The following RELN variants were observed in gnomAD, a reference collection of about 807,000 sequenced individuals.
RELN encodes the protein reelin.
In RELN, 108 loss-of-function variants were observed where a neutral mutation model predicts 427.6. The ratio of observed to expected loss-of-function variants is 0.25; its 90% CI spans 0.22 to 0.30. The LOEUF is 0.30. Among genes scored for constraint, RELN ranks in the 10% least tolerant of loss-of-function variants. The probability of loss-of-function intolerance (pLI) is 1.00; values close to 1 mark genes in which losing one functional copy is unlikely to be tolerated. For synonymous variants in RELN, 1,524 were observed against 1,513.4 expected (o/e 1.01, Z -0.16); for missense variants, 3,715 against 4,302.8 (o/e 0.86, Z 3.82).
At chr7:103,668,759 T>G (rs139117463) in intron 11 of RELN, among the ~76,000 whole-genome samples, 4 of 152,190 alleles carry the variant, frequency 2.6e-5, no homozygotes, top group Non-Finnish European at 5.9e-5. Context: ...GACGCATACA[T>G]GAAAATTTCA....
intron 1 of RELN, among the ~76,000 whole-genome samples, chr7:103,951,132 T>C (rs74617664): frequency 0.048 from 7,387 of 152,316 alleles, 249 homozygotes; most frequent in Middle Eastern, 0.11. Context: ...GGTTTCACCA[T>C]GTTTTTTAAA....
chr7:103,779,930 G>A (rs1382532605), intron 3 of RELN, among the ~76,000 whole-genome samples: 1 of 152,218 alleles, frequency 6.6e-6, no homozygotes, highest in Non-Finnish European at 1.5e-5. Context: ...GTTTCACCAT[G>A]TTGGCCAGGA....
At chr7:103,512,852 C>G (rs145217441) in intron 50 of RELN, 2 of 152,248 alleles carry the variant, frequency 1.3e-5, no homozygotes, top group African/African-American at 4.8e-5. Context: ...CTTGGAGCCA[C>G]TATGGAAGCA....
In RELN at chr7:103,682,011, T is replaced by C. The variant is rs78891424; in HGVS notation, c.1289+105A>G. 7.5e-3 allele frequency: 8,163 copies of C among 1,090,854 alleles called. 400 individuals carry two copies. The African/African-American group carries it at 0.11, about 14-fold the overall frequency. The allele number at this position is 1,090,854 out of a possible 1,614,324, so 67.6% of individuals were successfully genotyped here. ...TTGTCTACGATAAGAATCATCAGTA[T>C]TGATCTAAGTATGCTTTCGCCATTT... On this transcript the variant is annotated intron_variant, in intron 11 of 64. Coordinates refer to ENST00000428762, the MANE Select transcript of RELN (RefSeq NM_005045.4).
rs28815035 is a variant in RELN at position 103,900,168 on chromosome 7, C to G, written c.337+16907G>C. On this transcript the variant is annotated intron_variant, in intron 2 of 64. Coordinates refer to ENST00000428762, the MANE Select transcript of RELN (RefSeq NM_005045.4). ...ATAAACCAATAACACAAACAGAAAG[C>G]CAAACCATGAGTGAACTCCCATTCA... 6.0e-3 allele frequency among the ~76,000 whole-genome samples: 910 copies of G among 152,092 alleles called. 9 individuals are homozygous for G. Among genetic ancestry groups the G allele is most frequent in the African/African-American group, 0.021 (877 of 41,516 alleles).
At chr7:103,624,040 A>G (rs1301577917) in intron 20 of RELN, among the ~76,000 whole-genome samples, 1 of 152,182 alleles carries the variant, frequency 6.6e-6, no homozygotes, top group Non-Finnish European at 1.5e-5. Context: ...AATAAGCCAC[A>G]GTACTATTTT....
chr7:103,526,147 G>GT (rs1333406079), intron 46 of RELN, among the ~76,000 whole-genome samples: 1 of 152,212 alleles, frequency 6.6e-6, no homozygotes, highest in African/African-American at 2.4e-5. Flanking sequence ...CTAGCAGGTG[G>GT]TTGCTTTCTG....
At chr7:103,743,036 G>A (rs1790711000) in intron 6 of RELN, among the ~76,000 whole-genome samples, 1 of 150,024 alleles carries the variant, frequency 6.7e-6, no homozygotes, top group Admixed American at 6.6e-5. Flanking sequence ...CCCACAAAGG[G>A]AAGCCCATCA....
chr7:103,966,793 G>A (rs1796669326), intron 1 of RELN, among the ~76,000 whole-genome samples: 1 of 152,174 alleles, frequency 6.6e-6, no homozygotes, highest in Non-Finnish European at 1.5e-5. Flanking sequence ...ATCTTGGAGT[G>A]ACTCACACAT....
intron 64 of RELN, among the ~76,000 whole-genome samples, 182 bp downstream of exon 64, chr7:103,478,207 C>T (rs936454683): frequency 1.1e-4 from 16 of 151,924 alleles, no homozygotes; most frequent in Admixed American, 3.3e-4. Context: ...TGACTGACTC[C>T]GAATTTACAT....
chr7:103,482,404 G>A (rs531555528), intron 63 of RELN: 5 of 197,442 alleles, frequency 2.5e-5, no homozygotes, highest in African/African-American at 1.2e-4. Flanking sequence ...GATTGGTCAG[G>A]AGGAATCTGA....
At chr7:103,566,442 G>T in intron 32 of RELN, 30 bp from the exon 33 acceptor site, 1 of 1,610,272 alleles carries the variant, frequency 6.2e-7, no homozygotes, top group Non-Finnish European at 8.5e-7. Flanking sequence ...GGTGGTTAGA[G>T]AAGTTTTGTT....
intron 2 of RELN, among the ~76,000 whole-genome samples, chr7:103,913,829 A>G (rs1237763627): frequency 6.6e-6 from 1 of 152,218 alleles, no homozygotes; most frequent in Non-Finnish European, 1.5e-5. Flanking sequence ...AAAGTTATTT[A>G]CTACTGTCAC....
intron 9 of RELN, 53 bp downstream of exon 9, chr7:103,700,857 G>A (rs1834074923): frequency 3.6e-6 from 4 of 1,104,460 alleles, no homozygotes; most frequent in Non-Finnish European, 4.2e-6. Context: ...ATATAGGAGA[G>A]TAGAACTCCA....
At chr7:103,926,250 G>A (rs1267404759) in intron 1 of RELN, among the ~76,000 whole-genome samples, 2 of 151,750 alleles carry the variant, frequency 1.3e-5, no homozygotes, top group African/African-American at 4.8e-5. Flanking sequence ...ACGGGTACGT[G>A]CCATCAGGCC....
At position 103,723,228 on chromosome 7, in the gene RELN, A is replaced by G. The variant is rs114681778; in HGVS notation, c.754-37T>C. ...AGAATACATAAAAATAAGACAAGACAGAGAGGAGAAAGAGGAGAAAGATGC... is the reference window on the plus strand; with the variant it reads ...AGAATACATAAAAATAAGACAAGACGGAGAGGAGAAAGAGGAGAAAGATGC... On this transcript the variant is annotated intron_variant, in intron 7 of 64. Transcript: ENST00000428762. 2.0e-3 allele frequency: 2,592 copies of G among 1,307,406 alleles called. 45 individuals carry two copies. In the African/African-American group the frequency reaches 0.033, roughly 17 times the overall value. The allele number at this position is 1,307,406 out of a possible 1,614,324, so 81.0% of individuals were successfully genotyped here.
At chr7:103,564,555 A>G (rs982461216) in intron 34 of RELN, among the ~76,000 whole-genome samples, 3 of 152,196 alleles carry the variant, frequency 2.0e-5, no homozygotes, top group Non-Finnish European at 2.9e-5. Flanking sequence ...TGAGGCAGAA[A>G]GAGGGGGGAG....
At chr7:103,984,206 AC>A (rs1254639706) in intron 1 of RELN, among the ~76,000 whole-genome samples, 1 of 152,094 alleles carries the variant, frequency 6.6e-6, no homozygotes, top group Non-Finnish European at 1.5e-5. Context: ...TTTGAATAAA[AC>A]TAATCCATAA....
At chr7:103,858,944 G>C (rs1250997289) in intron 2 of RELN, among the ~76,000 whole-genome samples, 1 of 152,110 alleles carries the variant, frequency 6.6e-6, no homozygotes, top group African/African-American at 2.4e-5. Context: ...GCAAACACAG[G>C]CTTGCCTAGA....
Sources: gnomAD v4.1 joint callset for allele counts (sites outside exome capture counted in the v4.1 genomes callset) on GRCh38, gnomAD v4.1.1 for gene constraint, MANE v1.5 for transcripts, NCBI Gene and HGNC (gene_info 2026-07-23, HGNC 2026-07-21) for gene names.